Variants in DOCK4 observed in about 807,000 individuals in gnomAD.
The protein encoded by DOCK4 is dedicator of cytokinesis 4.
A neutral mutation model predicts 268.1 loss-of-function variants in DOCK4; 97 were observed. The observed-to-expected ratio is 0.36, with a 90% CI of 0.31 to 0.43. The LOEUF (loss-of-function observed/expected upper bound fraction) is 0.43. Among genes scored for constraint, DOCK4 ranks in the 20% least tolerant of loss-of-function variants. DOCK4 has a pLI of 1.00. For synonymous variants in DOCK4, 954 were observed against 887.2 expected, an observed-to-expected ratio of 1.08 and a Z score of -1.34; for missense variants, 2,145 against 2,455.7, an observed-to-expected ratio of 0.87 and a Z score of 2.67.
chr7:111,791,677 A>C (rs2133810688), intron 30 of DOCK4, among the ~76,000 whole-genome samples: 1 of 152,188 alleles, frequency 6.6e-6, no homozygotes, highest in Middle Eastern at 3.4e-3. Flanking sequence ...CAAACTCCTG[A>C]CCTCATGTGA....
intron 1 of DOCK4, among the ~76,000 whole-genome samples, chr7:112,039,377 G>T (rs976712791): frequency 7.0e-6 from 1 of 143,834 alleles, no homozygotes; most frequent in Non-Finnish European, 1.5e-5. Flanking sequence ...TTCATATGGG[G>T]GGGGGGGCTT....
In DOCK4 at chr7:111,783,894, T is replaced by A; in HGVS notation, c.3487A>T (p.Thr1163Ser). ...AACCTCTCCATTAGACGAGTTACAG[T>A]AGCAATTAATGAAACGCCACTTTCC... ...WRESGVSLIA[T>S]VTRLMERLLD... The change falls in exon 34 of 53, where the codon ACT becomes TCT. Residue 1163 changes from threonine to serine, a missense_variant. By Grantham distance (58) the Thr-to-Ser change is moderately conservative. Coordinates refer to ENST00000428084, the MANE Select transcript of DOCK4 (RefSeq NM_001363540.2). 6.2e-7 allele frequency: 1 copy of A among 1,605,440 alleles called. No homozygotes were observed. Among genetic ancestry groups the A allele is most frequent in the Non-Finnish European group, 8.5e-7 (1 of 1,175,628 alleles).
At chr7:111,766,933 G>T in intron 38 of DOCK4, 99 bp downstream of exon 38, 1 of 875,338 alleles carries the variant, frequency 1.1e-6, no homozygotes, top group African/African-American at 1.7e-5. Flanking sequence ...CTTAAAAAGG[G>T]TTTCTGCAAG....
intron 39 of DOCK4, 22 bp from the exon 40 acceptor site, chr7:111,760,344 A>C: frequency 6.2e-7 from 1 of 1,608,740 alleles, no homozygotes; most frequent in Non-Finnish European, 8.5e-7. Context: ...AGCAAAAAAG[A>C]AATTAGGGCT....
At chr7:111,762,762 C>CTTTCTTTTTTTTTTTTTTTTTTTTT (rs1797505856) in intron 39 of DOCK4, among the ~76,000 whole-genome samples, 2 of 63,074 alleles carry the variant, frequency 3.2e-5, no homozygotes, top group Non-Finnish European at 6.0e-5. Flanking sequence ...GTTTTGTTTT[C>CTTTCTTTTTTTTTTTTTTTTTTTTT]TTTTTTTTTT....
At chr7:111,962,054 A>G (rs1796943380) in intron 8 of DOCK4, among the ~76,000 whole-genome samples, 1 of 151,942 alleles carries the variant, frequency 6.6e-6, no homozygotes, top group South Asian at 2.1e-4. Flanking sequence ...TTTTCTTCAC[A>G]TATTTTGTCA....
At chr7:112,107,719 C>T (rs962917802) in intron 1 of DOCK4, among the ~76,000 whole-genome samples, 7 of 152,104 alleles carry the variant, frequency 4.6e-5, no homozygotes, top group Admixed American at 2.6e-4. Context: ...CCTAGAGATG[C>T]GTAGAATTCT....
chr7:111,901,532 G>A (rs1791144997), intron 14 of DOCK4, 145 bp downstream of exon 14: 1 of 779,226 alleles, frequency 1.3e-6, no homozygotes, highest in Non-Finnish European at 1.9e-6. Context: ...AAACTACACA[G>A]GGGTGAAGGA....
intron 1 of DOCK4, among the ~76,000 whole-genome samples, chr7:112,058,350 T>C (rs1806039597): frequency 6.6e-6 from 1 of 152,138 alleles, no homozygotes; most frequent in Admixed American, 6.6e-5. Context: ...AAAAGCAATA[T>C]GAAGTGATGA....
In DOCK4 at chr7:111,769,684, G is replaced by A. The variant is rs368820150; in HGVS notation, c.3680-7C>T. On this transcript the variant is annotated splice_polypyrimidine_tract_variant and splice_region_variant and intron_variant, in intron 36 of 52. Coordinates refer to ENST00000428084, the MANE Select transcript of DOCK4 (RefSeq NM_001363540.2). ...AGGAGGGTATATGCAGCTTCTGCAA[G>A]TCACGTGAGAAGACAATGATTGAGA... 4.4e-5 allele frequency: 71 copies of A among 1,612,350 alleles called. No individual in the cohort carries two copies. The highest frequency in any genetic ancestry group is 9.3e-6 in the Non-Finnish European group (11 of 1,179,100).
At chr7:111,893,478 G>C (rs1808462400) in intron 16 of DOCK4, among the ~76,000 whole-genome samples, 1 of 152,162 alleles carries the variant, frequency 6.6e-6, no homozygotes, top group African/African-American at 2.4e-5. Flanking sequence ...AGTTATCTCA[G>C]CCTTATCTTT....
intron 20 of DOCK4, 77 bp from the exon 21 acceptor site, chr7:111,869,732 A>G (rs1283323804): frequency 8.2e-7 from 1 of 1,220,522 alleles, no homozygotes; most frequent in African/African-American, 1.5e-5. Context: ...CCAACTCTTA[A>G]CTATATCATG....
In DOCK4 at chr7:112,128,905, G is replaced by A. The variant is rs1485114553; in HGVS notation, c.37+77197C>T. The stretch of plus-strand genomic sequence containing the variant: ...CCCTCTGCGAGAAACACCCAAGAAT[G>A]ATCAATAAAAAATTAAAAAAAACTG... On this transcript the variant is annotated intron_variant, in intron 1 of 52. Coordinates refer to ENST00000428084, the MANE Select transcript of DOCK4 (RefSeq NM_001363540.2). 2.6e-5 allele frequency among the ~76,000 whole-genome samples: 4 copies of A among 151,990 alleles called. No homozygotes were observed. The East Asian group carries it at 7.7e-4, about 29-fold the overall frequency.
intron 1 of DOCK4, among the ~76,000 whole-genome samples, chr7:112,191,097 T>G (rs1473845293): frequency 1.3e-5 from 2 of 152,216 alleles, no homozygotes; most frequent in African/African-American, 4.8e-5. Context: ...TTTATTTGTT[T>G]GAGGCAGGGC....
At chr7:112,097,445 T>C (rs916838027) in intron 1 of DOCK4, among the ~76,000 whole-genome samples, 1 of 151,794 alleles carries the variant, frequency 6.6e-6, no homozygotes, top group African/African-American at 2.4e-5. Context: ...TGTGATGGTG[T>C]GCACCTGTGC....
chr7:111,762,757 G>GTTTTTTTTTTTTTTTTTTTTTTTTTTT (rs1797499588), intron 39 of DOCK4, among the ~76,000 whole-genome samples: 1 of 55,012 alleles, frequency 1.8e-5, no homozygotes, highest in Admixed American at 2.3e-4. Context: ...ATTTTGTTTT[G>GTTTTTTTTTTTTTTTTTTTTTTTTTTT]TTTTCTTTTT....
intron 23 of DOCK4, among the ~76,000 whole-genome samples, chr7:111,861,150 C>T (rs1219033483): frequency 6.6e-6 from 1 of 152,128 alleles, no homozygotes; most frequent in Non-Finnish European, 1.5e-5. Flanking sequence ...AGTACCTGTT[C>T]CCAACCCCGG....
intron 36 of DOCK4, among the ~76,000 whole-genome samples, chr7:111,770,358 G>A (rs1043959393): frequency 5.9e-5 from 9 of 151,914 alleles, no homozygotes; most frequent in South Asian, 2.1e-4. Context: ...AGAAAGAACC[G>A]TTGCAGGCTG....
At chr7:111,764,816 T>C (rs1172811897) in intron 39 of DOCK4, among the ~76,000 whole-genome samples, 1 of 152,054 alleles carries the variant, frequency 6.6e-6, no homozygotes, top group Admixed American at 6.6e-5. Context: ...ACCATTTTTT[T>C]TCTAATACTA....
Sources: allele counts gnomAD v4.1 joint callset (sites outside exome capture counted in the v4.1 genomes callset), GRCh38; gene constraint gnomAD v4.1.1; transcripts MANE v1.5; gene names NCBI Gene and HGNC (gene_info 2026-07-23, HGNC 2026-07-21).